Variants in PRKG1 observed in about 807,000 individuals in gnomAD.
PRKG1 encodes the protein protein kinase cGMP-dependent 1, also known as cGMP-dependent protein kinase 1.
A neutral mutation model predicts 88.1 loss-of-function variants in PRKG1; 35 were observed. The observed-to-expected ratio is 0.40, with a 90% CI of 0.30 to 0.53. PRKG1 has a LOEUF of 0.53. PRKG1 is among the 20% of genes least tolerant of loss of function. The probability of loss-of-function intolerance (pLI) is 0.59; values close to 1 mark genes in which losing one functional copy is unlikely to be tolerated. For missense variants in PRKG1, 540 were observed against 839.8 expected (o/e 0.64, Z 4.41); for synonymous variants, 303 against 292.5 (o/e 1.04, Z -0.37).
intron 9 of PRKG1, 88 bp downstream of exon 9, chr10:52,162,051 A>T (rs1589661789): frequency 1.8e-6 from 2 of 1,111,510 alleles, no homozygotes; most frequent in East Asian, 4.9e-5. Flanking sequence ...ACACATCCCA[A>T]CACTCTGACA....
intron 3 of PRKG1, among the ~76,000 whole-genome samples, chr10:51,557,345 A>C (rs201932763): frequency 0.024 from 2,118 of 86,700 alleles, 32 homozygotes; most frequent in East Asian, 0.14. Flanking sequence ...ATACACCACC[A>C]CCCCCCCACC....
intron 2 of PRKG1, among the ~76,000 whole-genome samples, chr10:51,459,598 C>T (rs1839688456): frequency 6.6e-6 from 1 of 152,044 alleles, no homozygotes; most frequent in African/African-American, 2.4e-5. Context: ...GTTATCATAA[C>T]CCTAGGAAAT....
intron 2 of PRKG1, among the ~76,000 whole-genome samples, chr10:51,316,369 G>T (rs1279959685): frequency 6.6e-6 from 1 of 152,172 alleles, no homozygotes; most frequent in Non-Finnish European, 1.5e-5. Flanking sequence ...CTTAAATCAT[G>T]TAAGGAATAT....
At chr10:51,089,119 T>A (rs1403183108) in intron 1 of PRKG1, among the ~76,000 whole-genome samples, 4 of 152,336 alleles carry the variant, frequency 2.6e-5, no homozygotes, top group Admixed American at 2.6e-4. Context: ...ATTACAGTCA[T>A]GAAAAGTTCT....
At chr10:51,484,831 T>C (rs939237396) in intron 3 of PRKG1, among the ~76,000 whole-genome samples, 1 of 141,970 alleles carries the variant, frequency 7.0e-6, no homozygotes, top group African/African-American at 2.5e-5. Flanking sequence ...ACAGTCAGCT[T>C]TTTCCTTCTT....
intron 9 of PRKG1, among the ~76,000 whole-genome samples, chr10:52,214,493 T>C (rs1390340304): frequency 6.6e-6 from 1 of 152,174 alleles, no homozygotes; most frequent in Non-Finnish European, 1.5e-5. Context: ...GATAAACACA[T>C]CTCAGACTTT....
intron 3 of PRKG1, among the ~76,000 whole-genome samples, chr10:51,736,641 C>A (rs1266654509): frequency 1.3e-5 from 2 of 149,420 alleles, no homozygotes; most frequent in African/African-American, 2.5e-5. Flanking sequence ...AGGGTCTCCC[C>A]TCTGTTGTCC....
At chr10:51,478,748 A>AAT (rs2132841280) in intron 3 of PRKG1, among the ~76,000 whole-genome samples, 1 of 151,918 alleles carries the variant, frequency 6.6e-6, no homozygotes, top group East Asian at 1.9e-4. Flanking sequence ...GATACTGAAA[A>AAT]AAAAAAATGG....
chr10:51,665,912 T>C (rs544857497), intron 3 of PRKG1, among the ~76,000 whole-genome samples: 4 of 152,110 alleles, frequency 2.6e-5, no homozygotes, highest in Admixed American at 6.6e-5. Flanking sequence ...GAGGTATTTA[T>C]GAATATGTGT....
chr10:51,719,902 G>A (rs946968099), intron 3 of PRKG1, among the ~76,000 whole-genome samples: 22 of 152,194 alleles, frequency 1.4e-4, no homozygotes, highest in African/African-American at 5.3e-4. Context: ...AAAGCAGAGA[G>A]CCCAGTAGGA....
chr10:51,533,746 A>G (rs935567190), intron 3 of PRKG1, among the ~76,000 whole-genome samples: 2 of 152,122 alleles, frequency 1.3e-5, no homozygotes, highest in Non-Finnish European at 2.9e-5. Flanking sequence ...AAAGCTGAAA[A>G]CTCTTAATTT....
At chr10:51,690,256 C>A (rs1476144508) in intron 3 of PRKG1, among the ~76,000 whole-genome samples, 1 of 152,114 alleles carries the variant, frequency 6.6e-6, no homozygotes, top group Non-Finnish European at 1.5e-5. Context: ...CCTCATGATC[C>A]AATCACCTCC....
chr10:51,680,753 A>C (rs1306861796), intron 3 of PRKG1, among the ~76,000 whole-genome samples: 1 of 152,238 alleles, frequency 6.6e-6, no homozygotes, highest in East Asian at 1.9e-4. Context: ...CTTCTTCAGA[A>C]CAAAGCATAT....
intron 5 of PRKG1, among the ~76,000 whole-genome samples, chr10:51,996,516 G>T (rs139949099): frequency 2.6e-5 from 4 of 151,852 alleles, no homozygotes; most frequent in Non-Finnish European, 4.4e-5. Context: ...TAGCCAAAAG[G>T]TATATGAAAT....
intron 9 of PRKG1, among the ~76,000 whole-genome samples, chr10:52,181,715 A>G (rs1839036607): frequency 1.2e-5 from 1 of 86,408 alleles, no homozygotes. Flanking sequence ...TAGTTTACTG[A>G]GAATGATGGT....
chr10:51,926,108 A>T (rs1214885897), intron 5 of PRKG1, among the ~76,000 whole-genome samples: 1 of 152,206 alleles, frequency 6.6e-6, no homozygotes, highest in Admixed American at 6.6e-5. Context: ...AAAAATCAAT[A>T]CATCTTTCTG....
At chr10:52,153,359 A>T (rs1837994206) in intron 8 of PRKG1, among the ~76,000 whole-genome samples, 1 of 152,362 alleles carries the variant, frequency 6.6e-6, no homozygotes, top group South Asian at 2.1e-4. Context: ...TCACATTGTC[A>T]TTGAAAGCAT....
chr10:51,209,443 A>T (rs1464799563), intron 2 of PRKG1, among the ~76,000 whole-genome samples: 1 of 152,158 alleles, frequency 6.6e-6, no homozygotes, highest in Non-Finnish European at 1.5e-5. Context: ...GTAAAAGTAA[A>T]ATAATATAAT....
chr10:52,056,288 T>A (rs143122794), intron 6 of PRKG1, among the ~76,000 whole-genome samples: 4 of 152,316 alleles, frequency 2.6e-5, no homozygotes, highest in Admixed American at 2.6e-4. Context: ...GGATGTAAAT[T>A]ATTTGAAAAG....
Sources: allele counts gnomAD v4.1 joint callset (sites outside exome capture counted in the v4.1 genomes callset), GRCh38; gene constraint gnomAD v4.1.1; transcripts MANE v1.5; gene names NCBI Gene and HGNC (gene_info 2026-07-23, HGNC 2026-07-21).